Variants in CLUH observed in about 807,000 individuals in gnomAD.
CLUH encodes clustered mitochondria protein homolog.
CLUH carries 77 observed loss-of-function variants against 139.3 expected under a neutral mutation model. The ratio of observed to expected loss-of-function variants is 0.55; its 90% CI spans 0.46 to 0.67. CLUH has a LOEUF of 0.67. Among genes scored for constraint, CLUH ranks in the 30% least tolerant of loss-of-function variants. The pLI is 0.00. For missense variants in CLUH, 1,876 were observed against 1,875.8 expected, an observed-to-expected ratio of 1.00 and a Z score of 0.00; for synonymous variants, 999 against 801.6, an observed-to-expected ratio of 1.25 and a Z score of -4.16.
intron 16 of CLUH, 130 bp from the exon 17 acceptor site, chr17:2,694,694 C>A (rs1005467324): frequency 5.3e-6 from 7 of 1,328,280 alleles, no homozygotes; most frequent in Non-Finnish European, 7.2e-6. Flanking sequence ...GGGAGCCTCC[C>A]GGCTGCCCTC....
Position 2,692,688 on chromosome 17 carries a change from C to A in CLUH, c.3321G>T (p.Leu1107=). ...GGCTGCTGGCGAAGCAGTACAGGGC[C>A]AGGTGCATCTGCGGGCGGGGCGGAG... is the stretch of plus-strand genomic sequence containing the variant. ...HPNTIQEYMH[L]ALYCFASSQL... The change falls in exon 21 of 26, where the codon CTG becomes CTT. Residue 1107 remains leucine (L), a synonymous_variant. Coordinates refer to ENST00000651024, the MANE Select transcript of CLUH (RefSeq NM_001366661.1). 1.2e-6 allele frequency: 2 copies of A among 1,610,832 alleles called. No homozygotes were observed. Among genetic ancestry groups the A allele is most frequent in the Non-Finnish European group, 1.7e-6 (2 of 1,178,400 alleles).
intron 1 of CLUH, among the ~76,000 whole-genome samples, chr17:2,708,861 G>T (rs1216226957): frequency 2.8e-5 from 1 of 35,192 alleles, no homozygotes; most frequent in Non-Finnish European, 6.1e-5. Flanking sequence ...GCCTCTACTC[G>T]GGGGGGGGGG....
chr17:2,695,811 C>T (rs1341706968), intron 13 of CLUH: 8 of 579,296 alleles, frequency 1.4e-5, no homozygotes, highest in South Asian at 2.2e-5. Flanking sequence ...TTGGAGGCCA[C>T]GGTGTTGGGG....
intron 25 of CLUH, 101 bp from the exon 26 acceptor site, chr17:2,690,878 A>C: frequency 1.1e-6 from 1 of 907,162 alleles, no homozygotes; most frequent in East Asian, 3.0e-5. Flanking sequence ...TCTGCGCTCT[A>C]TTCAGTGGGG....
At position 2,695,421 on chromosome 17, in the gene CLUH, C is replaced by G. The variant is rs1444094093; in HGVS notation, c.2497G>C (p.Glu833Gln). The change falls in exon 14 of 26, where the codon GAG becomes CAG. Residue 833 changes from glutamate to glutamine, a missense_variant. Physicochemically the swap from Glu to Gln is conservative, Grantham distance 29. Coordinates refer to ENST00000651024, the MANE Select transcript of CLUH (RefSeq NM_001366661.1). ...INMRYLGKVL[E>Q]LVLRSPARHQ... ...CGGGCCGGGCTCCGCAGCACCAGCTCCAGCACCTTGCCCAGGTAGCGCATG... is the reference window on the plus strand; with the variant it reads ...CGGGCCGGGCTCCGCAGCACCAGCTGCAGCACCTTGCCCAGGTAGCGCATG... The G allele has an allele frequency of 6.2e-7, 1 of 1,612,604 alleles. No individual in the cohort carries two copies. The highest frequency in any genetic ancestry group is 8.5e-7 in the Non-Finnish European group (1 of 1,179,778).
rs760796239 is a variant in CLUH, at chr17:2,691,598, G to A, written c.3863+11C>T. On this transcript the variant is annotated intron_variant, in intron 25 of 25. Coordinates refer to ENST00000651024, the MANE Select transcript of CLUH (RefSeq NM_001366661.1). The stretch of plus-strand genomic sequence containing the variant: ...CAACCGGGAGACACTCGAGTGGGGC[G>A]GAGGCCTCACCTGAGAGGAATGAAG... The A allele has an allele frequency of 5.0e-6, 8 of 1,610,288 alleles. No individual in the cohort carries two copies. The highest frequency in any genetic ancestry group is 2.2e-5 in the East Asian group (1 of 44,774).
At chr17:2,696,101 G>C in intron 13 of CLUH, 58 bp downstream of exon 13, 1 of 1,384,402 alleles carries the variant, frequency 7.2e-7, no homozygotes, top group Non-Finnish European at 1.0e-6. Context: ...GTCGGAGACA[G>C]ATGAGGGACC....
chr17:2,694,821 A>AAACC, intron 16 of CLUH, 36 bp downstream of exon 16: 2 of 1,446,328 alleles, frequency 1.4e-6, no homozygotes, highest in Non-Finnish European at 1.8e-6. Context: ...CATCTGCCCA[A>AAACC]TCCCACCCAC....
At chr17:2,697,426 G>A (rs1030692929) in intron 10 of CLUH, among the ~76,000 whole-genome samples, 10 of 150,764 alleles carry the variant, frequency 6.6e-5, no homozygotes, top group East Asian at 2.0e-4. Context: ...AGGCAGCTGC[G>A]TTCTGGAGGG....
In CLUH at chr17:2,700,756, C is replaced by T. The variant is rs1293175680; in HGVS notation, c.1095G>A (p.Ala365=). ...FQVYSWTAPQ[A]EHAMDCVRAE... ...CACGCACGCAATCCATGGCATGCTC[C>T]GCCTGGGGGGCTGTCCAGCTGTACA... is the stretch of plus-strand genomic sequence containing the variant. Residue 365 remains alanine (A), a synonymous_variant, in exon 8 of 26, where the codon GCG becomes GCA. Coordinates refer to ENST00000651024, the MANE Select transcript of CLUH (RefSeq NM_001366661.1). The T allele has an allele frequency of 8.4e-6, 13 of 1,546,522 alleles. No homozygotes were observed. The highest frequency in any genetic ancestry group is 1.7e-4 in the Middle Eastern group (1 of 5,764).
At chr17:2,690,885 G>T in intron 25 of CLUH, 108 bp from the exon 26 acceptor site, 3 of 863,270 alleles carry the variant, frequency 3.5e-6, no homozygotes, top group Non-Finnish European at 4.9e-6. Context: ...TCTATTCAGT[G>T]GGGAATGTGT....
chr17:2,707,931 C>T lies in CLUH; in HGVS notation c.101-3367G>A. On this transcript the variant is annotated intron_variant, in intron 1 of 25. Transcript: ENST00000651024. The surrounding 1 kb of genome is among the most constrained non-coding windows in gnomAD (Gnocchi z 7.4). ...CCAGCTTCCCAGAGGACAACTGCAC[C>T]CGTGCCCCTGGCCTCCAGGCTCCAT... is the stretch of plus-strand genomic sequence containing the variant. 1 of 985,456 alleles carries T rather than the reference C, an allele frequency of 1.0e-6. No homozygotes were observed. Among genetic ancestry groups the T allele is most frequent in the Non-Finnish European group, 1.2e-6 (1 of 829,926 alleles). The allele number at this position is 985,456 out of a possible 1,614,324, so 61.0% of individuals were successfully genotyped here. A position where few individuals can be genotyped will look rare whatever the true frequency, so the allele number is the denominator to read the frequency against.
rs867349762 is a variant in CLUH at position 2,695,451 on chromosome 17, T to C, written c.2467A>G (p.Ile823Val). Residue 823 changes from isoleucine to valine, a missense_variant, in exon 14 of 26, where the codon ATC becomes GTC. Transcript: ENST00000651024. ...ACCTTGCCCAGGTAGCGCATGTTGATGCCCCGCTGGCGCATCACCTCTGCC... is the reference window on the plus strand; with the variant it reads ...ACCTTGCCCAGGTAGCGCATGTTGACGCCCCGCTGGCGCATCACCTCTGCC... The part of the protein sequence containing the change: ...TLAEVMRQRG[I>V]NMRYLGKVLE... 2.5e-6 allele frequency: 4 copies of C among 1,611,996 alleles called. No individual in the cohort carries two copies. In the African/African-American group the frequency reaches 4.0e-5, roughly 16 times the overall value.
chr17:2,701,389 G>A lies in CLUH; in HGVS notation c.876C>T (p.Ser292=), dbSNP rs770770935. The stretch of plus-strand genomic sequence containing the variant: ...ACTGATTCAGGTAAAAGCCCCGTGT[G>A]GACGCGGTGATGCTGACTTGCCGGT... ...AEDRQVSITA[S]TRGFYLNQST... is the part of the protein sequence containing the mutation. The change falls in exon 6 of 26, where the codon TCC becomes TCT. Residue 292 remains serine (S), a synonymous_variant. Transcript: ENST00000651024. The A allele has an allele frequency of 6.2e-7, 1 of 1,609,178 alleles. No homozygotes were observed. Among genetic ancestry groups the A allele is most frequent in the Non-Finnish European group, 8.5e-7 (1 of 1,178,068 alleles).
chr17:2,698,228 G>A lies in CLUH; in HGVS notation c.1629C>T (p.Ile543=), dbSNP rs979502797. The change falls in exon 10 of 26, where the codon ATC becomes ATT. Residue 543 remains isoleucine, a synonymous_variant. Transcript: ENST00000651024. ...GTGACACCACGGTCTTGCCGAAGTC[G>A]ATGGAGCCGTAGATGACGCTCTGCT... ...DQEQSVIYGS[I]DFGKTVVSHP... 7 of 1,592,802 alleles carry A rather than the reference G, an allele frequency of 4.4e-6. No homozygotes were observed. The African/African-American group carries it at 6.7e-5, about 15-fold the overall frequency.
In CLUH at chr17:2,698,149, G is replaced by T; in HGVS notation, c.1708C>A (p.Arg570=). ...ERTSRPLKIL[R]HQVLNDRDEE... ...TCACGGTCGTTGAGCACCTGGTGCC[G>T]CAGGATCTTGAGGGGCCGACTCGTG... The change falls in exon 10 of 26, where the codon CGG becomes AGG. Residue 570 remains arginine, a synonymous_variant. Transcript: ENST00000651024. The T allele has an allele frequency of 1.9e-6, 3 of 1,580,154 alleles. No individual in the cohort carries two copies. The highest frequency in any genetic ancestry group is 2.6e-6 in the Non-Finnish European group (3 of 1,164,308).
chr17:2,701,433 A>C lies in CLUH; in HGVS notation c.832T>G (p.Phe278Val), dbSNP rs1171179895. The C allele has an allele frequency of 6.2e-7, 1 of 1,613,270 alleles. No individual in the cohort carries two copies. The change falls in exon 6 of 26, where the codon TTT becomes GTT. Residue 278 changes from phenylalanine to valine, a missense_variant. Phe to Val is a conservative substitution (Grantham distance 50). Around this residue, in one of 3 missense-constraint regions of CLUH, gnomAD observed 270 missense variants for 354.7 expected, o/e 0.76. Coordinates refer to ENST00000651024, the MANE Select transcript of CLUH (RefSeq NM_001366661.1). ...TGCCGGTCCTCGGCTGTGATCACAA[A>C]CAGGTACATGAGGTCCCCGTGCATC... ...RKMHGDLMYL[F>V]VITAEDRQVS...
rs759147470 is a variant in CLUH, at chr17:2,690,528, C to T, written c.*66G>A. On this transcript the variant is annotated 3_prime_UTR_variant, in exon 26 of 26. Coordinates refer to ENST00000651024, the MANE Select transcript of CLUH (RefSeq NM_001366661.1). ...TTCCTCTTCCGCCCGCAGGCTCGCC[C>T]CCTTCTCCCGCAGTCGGGCTCCCTG... 1.5e-4 allele frequency: 207 copies of T among 1,339,790 alleles called. 1 individual carries two copies. The Middle Eastern group carries it at 2.9e-3, about 19-fold the overall frequency. The allele number at this position is 1,339,790 out of a possible 1,614,324, so 83.0% of individuals were successfully genotyped here. A position where few individuals can be genotyped will look rare whatever the true frequency, so the allele number is the denominator to read the frequency against.
At chr17:2,702,790 AT>A (rs566636314) in intron 3 of CLUH, among the ~76,000 whole-genome samples, 202 of 141,336 alleles carry the variant, frequency 1.4e-3, no homozygotes, top group Middle Eastern at 3.6e-3. Flanking sequence ...GTACTGCCTG[AT>A]TTTTTTTTTT....
Sources: gnomAD v4.1 joint callset for allele counts (sites outside exome capture counted in the v4.1 genomes callset) on GRCh38, gnomAD v4.1.1 for gene constraint, gnomAD v4.1.1 regional missense constraint, Gnocchi (gnomAD v3.1) non-coding constraint, MANE v1.5 for transcripts, NCBI Gene and HGNC (gene_info 2026-07-23, HGNC 2026-07-21) for gene names.